The following DARS1 variants were observed in gnomAD, a reference collection of about 807,000 sequenced individuals.
DARS1 encodes the protein aspartyl-tRNA synthetase 1.
DARS1 carries 51 observed loss-of-function variants against 68.8 expected under a neutral mutation model. The ratio of observed to expected loss-of-function variants is 0.74; its 90% CI spans 0.59 to 0.94. The LOEUF is 0.94. Among genes scored for constraint, DARS1 ranks in the 40% least tolerant of loss-of-function variants. DARS1 has a pLI of 0.00. For synonymous variants in DARS1, 203 were observed against 190.4 expected (o/e 1.07, Z -0.55); for missense variants, 607 against 597.3 (o/e 1.02, Z -0.17).
intron 9 of DARS1, 29 bp from the exon 10 acceptor site, chr2:135,920,629 C>A (rs748663957): frequency 2.6e-5 from 40 of 1,532,806 alleles, no homozygotes; most frequent in Non-Finnish European, 3.4e-5. Flanking sequence ...AAATAGAGAG[C>A]AAACACTGAT....
intron 5 of DARS1, among the ~76,000 whole-genome samples, chr2:135,937,666 G>A (rs1681500098): frequency 6.6e-6 from 1 of 152,194 alleles, no homozygotes; most frequent in Non-Finnish European, 1.5e-5. Context: ...TCCTTCAGGA[G>A]CTCTTATAAG....
chr2:135,912,616 G>C (rs1680919904), intron 12 of DARS1, 50 bp from the exon 13 acceptor site: 1 of 697,172 alleles, frequency 1.4e-6, no homozygotes, highest in African/African-American at 1.9e-5. Flanking sequence ...AAGTAAAATG[G>C]CTAACATTTT....
chr2:135,967,107 C>T (rs1413630076), intron 3 of DARS1, among the ~76,000 whole-genome samples: 2 of 152,216 alleles, frequency 1.3e-5, no homozygotes, highest in South Asian at 2.1e-4. Flanking sequence ...TGAGGCAATC[C>T]TATGTTTTCA....
intron 15 of DARS1, among the ~76,000 whole-genome samples, chr2:135,910,457 T>A (rs1344351022): frequency 6.6e-6 from 1 of 152,166 alleles, no homozygotes. Context: ...GCCATTTATA[T>A]GTAGGTTTTA....
At position 135,920,511 on chromosome 2, in the gene DARS1, C is replaced by T. The variant is rs756729890; in HGVS notation, c.901G>A (p.Glu301Lys). The change falls in exon 10 of 16, where the codon GAA becomes AAA. Residue 301 changes from glutamate to lysine, a missense_variant. Coordinates refer to ENST00000264161, the MANE Select transcript of DARS1 (RefSeq NM_001349.4). ...IEMAFNYHYH[E>K]VMEEIADTMV... ...GTGTCAGCAATTTCTTCCATAACTT[C>T]GTGGTAATGGTAATTAAAAGCCATT... 1.2e-5 allele frequency: 19 copies of T among 1,613,508 alleles called. No homozygotes were observed. The highest frequency in any genetic ancestry group is 1.7e-5 in the Admixed American group (1 of 59,964).
chr2:135,910,915 T>C (rs974218090), intron 15 of DARS1: 5 of 447,514 alleles, frequency 1.1e-5, no homozygotes, highest in South Asian at 5.9e-5. Context: ...GAAAACAGGA[T>C]ACTCCACTTA....
intron 12 of DARS1, among the ~76,000 whole-genome samples, chr2:135,913,570 T>C (rs771374036): frequency 2.5e-4 from 38 of 151,904 alleles, no homozygotes; most frequent in Non-Finnish European, 5.2e-4. Context: ...CAGCCTGGCC[T>C]ACATGGTGAA....
intron 12 of DARS1, 84 bp downstream of exon 12, chr2:135,914,385 A>C: frequency 1.3e-6 from 1 of 796,350 alleles, no homozygotes. Context: ...CATTCTAGGA[A>C]GCTCAGACCC....
chr2:135,922,341 T>C (rs1289736370), intron 9 of DARS1, among the ~76,000 whole-genome samples: 1 of 152,186 alleles, frequency 6.6e-6, no homozygotes, highest in Non-Finnish European at 1.5e-5. Context: ...CTACCTGCTC[T>C]TCAGTGCTGA....
chr2:135,925,792 A>C (rs1234257315), intron 7 of DARS1, among the ~76,000 whole-genome samples: 2 of 152,220 alleles, frequency 1.3e-5, no homozygotes, highest in Non-Finnish European at 2.9e-5. Flanking sequence ...AATCAAAACA[A>C]ATGGCATAAT....
chr2:135,922,580 A>C (rs1423863701), intron 9 of DARS1, among the ~76,000 whole-genome samples: 1 of 152,190 alleles, frequency 6.6e-6, no homozygotes, highest in Non-Finnish European at 1.5e-5. Context: ...AGTACTATTG[A>C]CCATATTATT....
chr2:135,922,669 A>G (rs546252256), intron 9 of DARS1, 115 bp downstream of exon 9: 2 of 1,305,976 alleles, frequency 1.5e-6, no homozygotes, highest in South Asian at 5.0e-5. Context: ...TAGTCAGCAG[A>G]TAAAATAATT....
chr2:135,933,338 T>A (rs1341754978), intron 6 of DARS1, among the ~76,000 whole-genome samples: 2 of 152,266 alleles, frequency 1.3e-5, no homozygotes. Flanking sequence ...AGCAGTCTGC[T>A]AAAGATTCTA....
At chr2:135,926,399 G>T (rs1461735584) in intron 7 of DARS1, among the ~76,000 whole-genome samples, 1 of 152,066 alleles carries the variant, frequency 6.6e-6, no homozygotes, top group Admixed American at 6.6e-5. Context: ...TTTCTCATTA[G>T]TTTCTTCAAG....
chr2:135,917,626 G>T (rs1037266452), intron 10 of DARS1, among the ~76,000 whole-genome samples: 1 of 151,958 alleles, frequency 6.6e-6, no homozygotes, highest in Non-Finnish European at 1.5e-5. Flanking sequence ...ACAGGTATGT[G>T]CCACTATGAC....
rs1042999405 is a variant in DARS1 at position 135,906,453 on chromosome 2, A to C, written c.*863T>G. 3.3e-5 allele frequency among the ~76,000 whole-genome samples: 5 copies of C among 152,196 alleles called. No individual in the cohort carries two copies. The highest frequency in any genetic ancestry group is 4.8e-5 in the African/African-American group (2 of 41,448). ...AGTTAAAAATCAAACAAAATTCTGC[A>C]ATATATTTTAACCCATGTGAAATGA... On this transcript the variant is annotated 3_prime_UTR_variant, in exon 16 of 16. Transcript: ENST00000264161.
chr2:135,961,964 G>A (rs1222592373), intron 3 of DARS1, among the ~76,000 whole-genome samples: 1 of 152,170 alleles, frequency 6.6e-6, no homozygotes, highest in Non-Finnish European at 1.5e-5. Context: ...CAAACACTAT[G>A]GGGTGGTCCA....
At chr2:135,922,159 A>G (rs1681120152) in intron 9 of DARS1, among the ~76,000 whole-genome samples, 1 of 152,140 alleles carries the variant, frequency 6.6e-6, no homozygotes, top group African/African-American at 2.4e-5. Context: ...ATTTGTTAGT[A>G]GTTTCTAATG....
chr2:135,971,302 A>G (rs1319221418), intron 3 of DARS1, among the ~76,000 whole-genome samples: 4 of 152,216 alleles, frequency 2.6e-5, no homozygotes, highest in Admixed American at 6.5e-5. Flanking sequence ...AAATCAATCA[A>G]TGTAATACAT....
Sources: allele counts gnomAD v4.1 joint callset (sites outside exome capture counted in the v4.1 genomes callset), GRCh38; gene constraint gnomAD v4.1.1; transcripts MANE v1.5; gene names NCBI Gene and HGNC (gene_info 2026-07-23, HGNC 2026-07-21).